Variants in CNTNAP2 observed in about 807,000 individuals in gnomAD.
CNTNAP2 encodes the protein contactin-associated protein-like 2.
In CNTNAP2, 98 loss-of-function variants were observed where a neutral mutation model predicts 155.2. The ratio of observed to expected loss-of-function variants is 0.63; its 90% CI spans 0.54 to 0.75. The LOEUF (loss-of-function observed/expected upper bound fraction) is 0.75, where lower values mean the gene tolerates loss of function less well. Among genes scored for constraint, CNTNAP2 ranks in the 30% least tolerant of loss-of-function variants. The pLI, the probability that CNTNAP2 is intolerant of heterozygous loss-of-function variation, is 0.00. For missense variants in CNTNAP2, 1,727 were observed against 1,688.1 expected (o/e 1.02, Z -0.40); for synonymous variants, 651 against 631.2 (o/e 1.03, Z -0.47).
chr7:147,162,330 CTAT>C (rs1411817365), intron 8 of CNTNAP2, among the ~76,000 whole-genome samples: 5 of 152,114 alleles, frequency 3.3e-5, no homozygotes, highest in South Asian at 2.1e-4. Context: ...TGTCTTTTAA[CTAT>C]TATTATGAAT....
At chr7:147,121,778 C>T (rs1449644876) in intron 6 of CNTNAP2, 2 of 152,114 alleles carry the variant, frequency 1.3e-5, no homozygotes, top group East Asian at 3.8e-4. Context: ...AAAATATATT[C>T]TCATAGGTTA....
intron 3 of CNTNAP2, 51 bp downstream of exon 3, chr7:146,839,955 G>C (rs1803689020): frequency 8.8e-6 from 14 of 1,590,694 alleles, no homozygotes; most frequent in Non-Finnish European, 1.1e-5. Context: ...GGAAATATTA[G>C]AAAATGGTAC....
intron 21 of CNTNAP2, among the ~76,000 whole-genome samples, chr7:148,271,432 G>A (rs771223275): frequency 1.4e-4 from 22 of 152,306 alleles, no homozygotes; most frequent in Non-Finnish European, 2.9e-4. Context: ...ATTGCTAAAT[G>A]TTCCCCAGGA....
At chr7:146,474,995 G>GCA (rs1563098202) in intron 1 of CNTNAP2, among the ~76,000 whole-genome samples, 11 of 140,088 alleles carry the variant, frequency 7.9e-5, no homozygotes, top group African/African-American at 2.8e-4. Context: ...GAGCACGAGC[G>GCA]CGCACGCGCG....
At chr7:146,793,880 A>G (rs1199647553) in intron 2 of CNTNAP2, among the ~76,000 whole-genome samples, 1 of 152,212 alleles carries the variant, frequency 6.6e-6, no homozygotes, top group Non-Finnish European at 1.5e-5. Context: ...TCTTTCAGTT[A>G]AGGCATTTTG....
intron 3 of CNTNAP2, among the ~76,000 whole-genome samples, chr7:146,878,774 A>G (rs1214150560): frequency 1.3e-5 from 2 of 151,908 alleles, no homozygotes; most frequent in Non-Finnish European, 2.9e-5. Context: ...GACCTTTGCA[A>G]CTGTTTGCCT....
chr7:146,792,589 T>C (rs1802694092), intron 2 of CNTNAP2, among the ~76,000 whole-genome samples: 2 of 152,194 alleles, frequency 1.3e-5, no homozygotes, highest in Non-Finnish European at 2.9e-5. Flanking sequence ...AGGCATTTAA[T>C]AAGCATGCAT....
intron 12 of CNTNAP2, among the ~76,000 whole-genome samples, chr7:147,575,371 GGTGTGTGTGT>G (rs149655952): frequency 1.3e-4 from 12 of 95,926 alleles, no homozygotes; most frequent in East Asian, 3.1e-4. Flanking sequence ...TAGCTTTAGG[GGTGTGTGTGT>G]GTGTGTGTGT....
chr7:146,681,731 A>C (rs575411608), intron 1 of CNTNAP2, among the ~76,000 whole-genome samples: 1 of 152,260 alleles, frequency 6.6e-6, no homozygotes, highest in Admixed American at 6.5e-5. Context: ...CCTCCATGGC[A>C]CAAGTTTACC....
chr7:147,377,354 C>T (rs2116925169), intron 9 of CNTNAP2, among the ~76,000 whole-genome samples: 1 of 151,910 alleles, frequency 6.6e-6, no homozygotes, highest in South Asian at 2.1e-4. Context: ...CCCTATCATG[C>T]TATAGTCTAC....
intron 1 of CNTNAP2, among the ~76,000 whole-genome samples, chr7:146,561,376 C>T (rs577888000): frequency 6.6e-6 from 1 of 152,206 alleles, no homozygotes; most frequent in African/African-American, 2.4e-5. Flanking sequence ...ACAATAAGGT[C>T]GGGTACAGTG....
intron 16 of CNTNAP2, among the ~76,000 whole-genome samples, chr7:148,121,749 A>G (rs1804600157): frequency 6.6e-6 from 1 of 152,222 alleles, no homozygotes; most frequent in South Asian, 2.1e-4. Context: ...TTAATGAGAT[A>G]CCATCAGCAT....
chr7:148,205,555 C>T (rs1471031921), intron 18 of CNTNAP2, among the ~76,000 whole-genome samples: 1 of 152,160 alleles, frequency 6.6e-6, no homozygotes, highest in Non-Finnish European at 1.5e-5. Flanking sequence ...GCTGTAAGTC[C>T]TTTCATTCTT....
At chr7:147,808,311 G>T (rs78543764) in intron 13 of CNTNAP2, among the ~76,000 whole-genome samples, 4,948 of 152,260 alleles carry the variant, frequency 0.032, 134 homozygotes, top group Non-Finnish European at 0.051. Flanking sequence ...GCATTATAAT[G>T]ATCAAAGAAA....
At chr7:146,272,892 A>T (rs567429299) in intron 1 of CNTNAP2, among the ~76,000 whole-genome samples, 41 of 152,206 alleles carry the variant, frequency 2.7e-4, no homozygotes, top group Non-Finnish European at 5.0e-4. Context: ...CTGCGTAAAC[A>T]TTAATGAGAA....
intron 1 of CNTNAP2, among the ~76,000 whole-genome samples, chr7:146,179,486 AAC>A (rs1798520140): frequency 6.6e-6 from 1 of 152,170 alleles, no homozygotes; most frequent in African/African-American, 2.4e-5. Flanking sequence ...GCCTGCCTTA[AAC>A]ACAGTTTTCT....
At chr7:148,041,302 G>A (rs1448813777) in intron 15 of CNTNAP2, among the ~76,000 whole-genome samples, 1 of 152,214 alleles carries the variant, frequency 6.6e-6, no homozygotes, top group Non-Finnish European at 1.5e-5. Context: ...GATGCAGTGT[G>A]ACAGCAAGTC....
chr7:146,591,475 G>A (rs943144429), intron 1 of CNTNAP2, among the ~76,000 whole-genome samples: 4 of 116,358 alleles, frequency 3.4e-5, no homozygotes, highest in Admixed American at 3.2e-4. Flanking sequence ...GAAAATAGAT[G>A]TGAAATTTTA....
chr7:147,014,155 G>A (rs1584783683), intron 3 of CNTNAP2, among the ~76,000 whole-genome samples: 1 of 152,228 alleles, frequency 6.6e-6, no homozygotes, highest in East Asian at 1.9e-4. Flanking sequence ...TCTGTATGCT[G>A]TCTATGCTCA....
Sources: gnomAD v4.1 joint callset for allele counts (sites outside exome capture counted in the v4.1 genomes callset) on GRCh38, gnomAD v4.1.1 for gene constraint, MANE v1.5 for transcripts, NCBI Gene and HGNC (gene_info 2026-07-23, HGNC 2026-07-21) for gene names.